The following CFAP53 variants were observed in gnomAD, a reference collection of about 807,000 sequenced individuals.
CFAP53 encodes cilia- and flagella-associated protein 53.
A neutral mutation model predicts 59.7 loss-of-function variants in CFAP53; 62 were observed. The observed-to-expected ratio is 1.04, with a 90% CI of 0.85 to 1.28. The LOEUF is 1.28. CFAP53 is among the 50% of genes most tolerant of loss of function. The pLI, the probability that CFAP53 is intolerant of heterozygous loss-of-function variation, is 0.00. For synonymous variants in CFAP53, 218 were observed against 205.7 expected, an observed-to-expected ratio of 1.06 and a Z score of -0.51; for missense variants, 629 against 615.6, an observed-to-expected ratio of 1.02 and a Z score of -0.23.
intron 1 of CFAP53, among the ~76,000 whole-genome samples, chr18:50,264,534 T>G (rs1438258604): frequency 1.3e-5 from 2 of 152,200 alleles, no homozygotes; most frequent in African/African-American, 4.8e-5. Context: ...TCCCATTACT[T>G]CAGACATTAA....
intron 3 of CFAP53, among the ~76,000 whole-genome samples, chr18:50,257,992 G>A (rs1043183253): frequency 1.3e-5 from 2 of 152,112 alleles, no homozygotes; most frequent in African/African-American, 4.8e-5. Context: ...CTGAGATCCT[G>A]TAACTGCATT....
intron 7 of CFAP53, among the ~76,000 whole-genome samples, chr18:50,234,871 C>T (rs1255194070): frequency 2.6e-5 from 4 of 152,236 alleles, no homozygotes; most frequent in Non-Finnish European, 5.9e-5. Context: ...CATTCTGTTG[C>T]CCATGCAGTC....
intron 6 of CFAP53, among the ~76,000 whole-genome samples, chr18:50,239,651 G>A (rs183090993): frequency 2.1e-4 from 32 of 151,994 alleles, no homozygotes; most frequent in African/African-American, 7.2e-4. Flanking sequence ...AATAAGTTAC[G>A]GTCTGTTTTT....
intron 5 of CFAP53, among the ~76,000 whole-genome samples, chr18:50,249,416 G>A (rs893031642): frequency 1.3e-5 from 2 of 151,700 alleles, no homozygotes; most frequent in African/African-American, 4.8e-5. Context: ...TACTCAGGAG[G>A]TTGAGGCTGA....
At chr18:50,256,695 T>C (rs2033849457) in intron 3 of CFAP53, among the ~76,000 whole-genome samples, 1 of 152,070 alleles carries the variant, frequency 6.6e-6, no homozygotes, top group African/African-American at 2.4e-5. Flanking sequence ...ATATTATTAA[T>C]AGCGAATTCA....
intron 3 of CFAP53, among the ~76,000 whole-genome samples, chr18:50,257,058 C>T (rs143873880): frequency 6.6e-6 from 1 of 151,628 alleles, no homozygotes; most frequent in African/African-American, 2.4e-5. Context: ...GTTTTAAACA[C>T]TTCCAGGTAA....
chr18:50,264,880 T>C (rs1425611003), intron 1 of CFAP53, among the ~76,000 whole-genome samples: 3 of 152,236 alleles, frequency 2.0e-5, no homozygotes, highest in Non-Finnish European at 4.4e-5. Flanking sequence ...CTGTCCTTCA[T>C]GAAGTGTGTT....
intron 7 of CFAP53, among the ~76,000 whole-genome samples, chr18:50,235,747 A>C (rs969759751): frequency 1.3e-5 from 2 of 152,202 alleles, no homozygotes; most frequent in Non-Finnish European, 2.9e-5. Context: ...ACAATATTTT[A>C]GGCTGCAAAT....
At chr18:50,259,171 T>C (rs544209371) in intron 3 of CFAP53, among the ~76,000 whole-genome samples, 1 of 152,176 alleles carries the variant, frequency 6.6e-6, no homozygotes, top group Non-Finnish European at 1.5e-5. Context: ...TGTAGTGCTG[T>C]TTACAACAGC....
intron 3 of CFAP53, among the ~76,000 whole-genome samples, chr18:50,254,681 G>A (rs540404464): frequency 2.5e-4 from 38 of 152,184 alleles, no homozygotes; most frequent in Non-Finnish European, 4.1e-4. Flanking sequence ...CTAAGGTCGG[G>A]AGTTCAAGAC....
rs375765829 is a variant in CFAP53, at chr18:50,227,341, T to C, written c.*40A>G. 2 of 1,532,606 alleles carry C rather than the reference T, an allele frequency of 1.3e-6. No individual in the cohort carries two copies. The highest frequency in any genetic ancestry group is 1.4e-5 in the African/African-American group (1 of 73,148). The allele number at this position is 1,532,606 out of a possible 1,614,324, so 94.9% of individuals were successfully genotyped here. On this transcript the variant is annotated 3_prime_UTR_variant, in exon 8 of 8. Transcript: ENST00000398545. ...CATACAAGCATACTGTAGTTAAAAATATTAAAAGACCAAGAAAAGATATAT... is the reference window on the plus strand; with the variant it reads ...CATACAAGCATACTGTAGTTAAAAACATTAAAAGACCAAGAAAAGATATAT...
chr18:50,260,403 T>G lies in CFAP53; in HGVS notation c.473+661A>C, dbSNP rs1455710265. On this transcript the variant is annotated intron_variant, in intron 3 of 7. Coordinates refer to ENST00000398545, the MANE Select transcript of CFAP53 (RefSeq NM_145020.5). ...AGGGCCGGGCATGGTGGCTCATGCC[T>G]GTAATCCTAATACTTTGGGTAGCTG... Among the ~76,000 whole-genome samples, 3 of 152,186 alleles carry G rather than the reference T, an allele frequency of 2.0e-5. No homozygotes were observed. The East Asian group carries it at 5.8e-4, about 29-fold the overall frequency.
chr18:50,237,175 G>T (rs927276590), intron 7 of CFAP53, among the ~76,000 whole-genome samples: 1 of 149,478 alleles, frequency 6.7e-6, no homozygotes, highest in Non-Finnish European at 1.5e-5. Context: ...GCATGGTGGT[G>T]CATGCCTGTA....
At chr18:50,244,530 C>A (rs1036352660) in intron 5 of CFAP53, among the ~76,000 whole-genome samples, 1 of 152,196 alleles carries the variant, frequency 6.6e-6, no homozygotes, top group East Asian at 1.9e-4. Context: ...AGATAAATAC[C>A]ATTTCCCACT....
At chr18:50,254,080 T>C (rs1475466905) in intron 3 of CFAP53, among the ~76,000 whole-genome samples, 1 of 151,286 alleles carries the variant, frequency 6.6e-6, no homozygotes, top group African/African-American at 2.4e-5. Flanking sequence ...ATCCTTTTAA[T>C]AGGATAAATA....
chr18:50,240,421 A>T (rs1049662189), intron 6 of CFAP53, among the ~76,000 whole-genome samples: 21 of 152,170 alleles, frequency 1.4e-4, no homozygotes, highest in Non-Finnish European at 2.5e-4. Context: ...CACTCTCTTT[A>T]AATTAGCCAA....
chr18:50,254,992 G>T (rs1409646233), intron 3 of CFAP53, among the ~76,000 whole-genome samples: 1 of 152,118 alleles, frequency 6.6e-6, no homozygotes, highest in Admixed American at 6.5e-5. Flanking sequence ...GTACACAAAC[G>T]TTCCTGTCAG....
Position 50,266,464 on chromosome 18 carries a change from C to T in CFAP53, c.-60G>A. ...CCGCGTTTCCCCCAACCGTGGCGACCTGCGGGACCCGCTTCCGCGACGCAG... is the reference window on the plus strand; with the variant it reads ...CCGCGTTTCCCCCAACCGTGGCGACTTGCGGGACCCGCTTCCGCGACGCAG... On this transcript the variant is annotated 5_prime_UTR_variant, in exon 1 of 8. Transcript: ENST00000398545. The T allele has an allele frequency of 1.3e-6, 2 of 1,538,126 alleles. No homozygotes were observed. The highest frequency in any genetic ancestry group is 3.3e-5 in the Admixed American group (2 of 59,886).
chr18:50,251,761 A>G lies in CFAP53; in HGVS notation c.497T>C (p.Val166Ala), dbSNP rs754118587. The G allele has an allele frequency of 1.2e-6, 2 of 1,614,018 alleles. No individual in the cohort carries two copies. Among genetic ancestry groups the G allele is most frequent in the South Asian group, 1.1e-5 (1 of 91,066 alleles). The change falls in exon 4 of 8, where the codon GTT becomes GCT. Residue 166 changes from valine to alanine, a missense_variant. By Grantham distance (64) the Val-to-Ala change is moderately conservative. Transcript: ENST00000398545. ...QFRERCEELRVELLSIHQKKV... is the reference protein window; with the variant it reads ...QFRERCEELRAELLSIHQKKV... ...CTTCTGATGGATAGATAACAATTCA[A>G]CACGGAGCTCCTCACAGCGTTCCCT...
Sources: gnomAD v4.1 joint callset for allele counts (sites outside exome capture counted in the v4.1 genomes callset) on GRCh38, gnomAD v4.1.1 for gene constraint, MANE v1.5 for transcripts, NCBI Gene and HGNC (gene_info 2026-07-23, HGNC 2026-07-21) for gene names.